Variants in ARHGEF9 observed in about 807,000 individuals in gnomAD.
The protein encoded by ARHGEF9 is Cdc42 guanine nucleotide exchange factor 9, also known as rho guanine nucleotide exchange factor 9.
In ARHGEF9, 2 loss-of-function variants were observed where a neutral mutation model predicts 41.3. The observed-to-expected ratio is 0.05, with a 90% CI of 0.02 to 0.15. The LOEUF is 0.15. Ranked by LOEUF, ARHGEF9 falls within the 10% of genes least tolerant of loss-of-function variation. The probability of loss-of-function intolerance (pLI) is 1.00; values close to 1 mark genes in which losing one functional copy is unlikely to be tolerated. For synonymous variants in ARHGEF9, 160 were observed against 154.4 expected (o/e 1.04, Z -0.27); for missense variants, 225 against 424.7 (o/e 0.53, Z 4.13).
chrX:63,783,818 A>C (rs1165610046), intron 1 of ARHGEF9, among the ~76,000 whole-genome samples: 1 of 111,453 alleles, frequency 9.0e-6, no homozygotes, highest in Non-Finnish European at 1.9e-5. Flanking sequence ...TACCTGCTCT[A>C]ATCTTTTCTG....
intron 1 of ARHGEF9, among the ~76,000 whole-genome samples, chrX:63,734,798 T>C (rs2054517628): frequency 8.9e-6 from 1 of 111,787 alleles, no homozygotes; most frequent in African/African-American, 3.3e-5. Context: ...TAACAGCAAG[T>C]CCTAGCAGCA....
chrX:63,653,847 A>T (rs1406008741), intron 8 of ARHGEF9, among the ~76,000 whole-genome samples: 43 of 111,088 alleles, frequency 3.9e-4, no homozygotes, highest in Non-Finnish European at 6.4e-4. Context: ...AAACTATATG[A>T]CCCTCATAAA....
chrX:63,726,226 C>T (rs1237874631), intron 1 of ARHGEF9, among the ~76,000 whole-genome samples: 1 of 112,698 alleles, frequency 8.9e-6, no homozygotes, highest in Non-Finnish European at 1.9e-5. Context: ...TTTCACAACA[C>T]CACCTTTCAA....
At chrX:63,782,219 G>T (rs2056393467) in intron 1 of ARHGEF9, among the ~76,000 whole-genome samples, 1 of 111,523 alleles carries the variant, frequency 9.0e-6, no homozygotes, top group Non-Finnish European at 1.9e-5. Context: ...TCATTTCATA[G>T]CAGATCCCCT....
At chrX:63,693,588 C>T (rs1407745462) in intron 4 of ARHGEF9, among the ~76,000 whole-genome samples, 4 of 87,522 alleles carry the variant, frequency 4.6e-5, no homozygotes, top group South Asian at 7.4e-4. Flanking sequence ...CTCCAGCCTG[C>T]GTCACAGAGT....
Position 63,754,279 on chromosome X carries a change from A to C in ARHGEF9, c.31-29568T>G, listed in dbSNP as rs782784645. 5 of 1,208,138 alleles carry C rather than the reference A, an allele frequency of 4.1e-6. No individual in the cohort carries two copies. In the South Asian group the frequency reaches 8.8e-5, roughly 21 times the overall value. ...CATTCTTAAAAGACAAGACACGACA[A>C]AAGATTTAGGGAGAGATAATATACC... On this transcript the variant is annotated intron_variant, in intron 1 of 9. Transcript: ENST00000671741.
At chrX:63,688,280 C>A (rs1231896067) in intron 4 of ARHGEF9, among the ~76,000 whole-genome samples, 1 of 111,207 alleles carries the variant, frequency 9.0e-6, no homozygotes, top group East Asian at 2.8e-4. Flanking sequence ...CCCAGCAGAG[C>A]CATCCTTCAA....
At chrX:63,729,736 C>T (rs1556419125) in intron 1 of ARHGEF9, among the ~76,000 whole-genome samples, 1 of 111,488 alleles carries the variant, frequency 9.0e-6, no homozygotes, top group African/African-American at 3.3e-5. Context: ...TTCCCAATCC[C>T]CAGGACATTT....
intron 4 of ARHGEF9, among the ~76,000 whole-genome samples, chrX:63,688,580 C>A (rs1414223400): frequency 8.9e-6 from 1 of 111,887 alleles, no homozygotes; most frequent in Non-Finnish European, 1.9e-5. Flanking sequence ...GTCAGCCTGG[C>A]CAACATGGTG....
intron 5 of ARHGEF9, among the ~76,000 whole-genome samples, chrX:63,676,428 G>A (rs782083140): frequency 5.4e-5 from 6 of 112,005 alleles, no homozygotes; most frequent in Non-Finnish European, 9.4e-5. Context: ...ATCTCTCTCA[G>A]CCTGTCCGTG....
chrX:63,719,132 T>C (rs1261209391), intron 2 of ARHGEF9, among the ~76,000 whole-genome samples: 1 of 111,610 alleles, frequency 9.0e-6, no homozygotes, highest in African/African-American at 3.3e-5. Context: ...GGGAGAGAAA[T>C]AGCCATAATC....
At position 63,637,099 on chromosome X, in the gene ARHGEF9, C is replaced by T. The variant is rs1203719303; in HGVS notation, c.*929G>A. ...GACAGGCCTAGGGGGAGACCTATAA[C>T]AAAAGTGACTTGAAAAAAGAGAATA... On this transcript the variant is annotated 3_prime_UTR_variant, in exon 10 of 10. Coordinates refer to ENST00000671741, the MANE Select transcript of ARHGEF9 (RefSeq NM_001353921.2). 28 of 295,448 alleles carry T rather than the reference C, an allele frequency of 9.5e-5. No individual in the cohort carries two copies. The East Asian group carries it at 1.2e-3, about 13-fold the overall frequency. The allele number at this position is 295,448 out of a possible 1,213,427, so 24.3% of individuals were successfully genotyped here. A position where few individuals can be genotyped will look rare whatever the true frequency, so the allele number is the denominator to read the frequency against.
intron 1 of ARHGEF9, chrX:63,727,709 T>C (rs1171518560): frequency 8.9e-6 from 1 of 112,126 alleles, no homozygotes; most frequent in East Asian, 2.8e-4. Context: ...ATTATGATGA[T>C]GTTAGCTAAT....
intron 1 of ARHGEF9, among the ~76,000 whole-genome samples, chrX:63,747,684 C>A (rs1230011985): frequency 8.9e-6 from 1 of 112,406 alleles, no homozygotes; most frequent in Non-Finnish European, 1.9e-5. Context: ...TCTTAATATT[C>A]CAGGTGATTC....
chrX:63,749,817 A>C (rs2055506628), intron 1 of ARHGEF9, among the ~76,000 whole-genome samples: 1 of 112,012 alleles, frequency 8.9e-6, no homozygotes, highest in African/African-American at 3.2e-5. Context: ...TCTCCCCTCT[A>C]TGTTCTTCCC....
chrX:63,741,598 G>A (rs2054952005), intron 1 of ARHGEF9, among the ~76,000 whole-genome samples: 1 of 112,622 alleles, frequency 8.9e-6, no homozygotes, highest in South Asian at 3.6e-4. Context: ...GTAGTCTTTA[G>A]GAGTGTGTAT....
rs782128625 is a variant in ARHGEF9 at position 63,650,442 on chromosome X, G to A, written c.1321+5052C>T. Among the ~76,000 whole-genome samples the A allele has an allele frequency of 3.6e-5, 4 of 111,255 alleles. No individual in the cohort carries two copies. The Admixed American group carries it at 3.8e-4, about 11-fold the overall frequency. The stretch of plus-strand genomic sequence containing the variant: ...AGATTATTTTCCCTCATACATGGGA[G>A]CTGAAAGGTGGATTTCATAAAGATA... On this transcript the variant is annotated intron_variant, in intron 8 of 9. Coordinates refer to ENST00000671741, the MANE Select transcript of ARHGEF9 (RefSeq NM_001353921.2).
In ARHGEF9 at chrX:63,699,947, T is replaced by G. The variant is rs188884133; in HGVS notation, c.403-2643A>C. ...GTGCAAATAATTCTGTTATAGTTGA[T>G]GGATTCTGGCTGGTTTTTGTTCCTA... is the stretch of plus-strand genomic sequence containing the variant. On this transcript the variant is annotated intron_variant, in intron 3 of 9. Coordinates refer to ENST00000671741, the MANE Select transcript of ARHGEF9 (RefSeq NM_001353921.2). 1.6e-3 allele frequency among the ~76,000 whole-genome samples: 184 copies of G among 112,380 alleles called. 2 individuals carry two copies. The highest frequency in any genetic ancestry group is 4.1e-3 in the Admixed American group (44 of 10,619).
At chrX:63,691,574 T>C (rs1785985704) in intron 4 of ARHGEF9, among the ~76,000 whole-genome samples, 1 of 111,474 alleles carries the variant, frequency 9.0e-6, no homozygotes, top group South Asian at 3.8e-4. Context: ...ATAGATTAAA[T>C]GCAATTAATT....
Sources: allele counts gnomAD v4.1 joint callset (sites outside exome capture counted in the v4.1 genomes callset), GRCh38; gene constraint gnomAD v4.1.1; transcripts MANE v1.5; gene names NCBI Gene and HGNC (gene_info 2026-07-23, HGNC 2026-07-21).